Variants in PLEKHG1 observed in about 807,000 individuals in gnomAD.
The protein encoded by PLEKHG1 is pleckstrin homology domain-containing family G member 1.
A neutral mutation model predicts 100.8 loss-of-function variants in PLEKHG1; 44 were observed. The observed-to-expected ratio is 0.44, with a 90% CI of 0.34 to 0.56. The LOEUF (loss-of-function observed/expected upper bound fraction) is 0.56. PLEKHG1 is among the 20% of genes least tolerant of loss of function. PLEKHG1 has a pLI of 0.01. For synonymous variants in PLEKHG1, 640 were observed against 662.5 expected, an observed-to-expected ratio of 0.97 and a Z score of 0.52; for missense variants, 1,545 against 1,720.9, an observed-to-expected ratio of 0.90 and a Z score of 1.81.
Position 150,795,911 on chromosome 6 carries a change from C to T in PLEKHG1, c.629+9C>T, listed in dbSNP as rs1350704185. On this transcript the variant is annotated intron_variant, in intron 5 of 15. Transcript: ENST00000358517. ...TGCACTAACTATCCAAGGTATGGAT[C>T]GAGAATGGGCCAAGAGTACTTTTGT... 2.6e-6 allele frequency: 4 copies of T among 1,552,180 alleles called. No homozygotes were observed. Among genetic ancestry groups the T allele is most frequent in the African/African-American group, 1.4e-5 (1 of 73,572 alleles).
intron 2 of PLEKHG1, among the ~76,000 whole-genome samples, chr6:150,744,718 C>T (rs935134742): frequency 6.6e-6 from 1 of 152,128 alleles, no homozygotes; most frequent in Non-Finnish European, 1.5e-5. Flanking sequence ...CTCAGTGTCA[C>T]CCTGAGAAAC....
chr6:150,791,583 T>C (rs1785985438), intron 4 of PLEKHG1, among the ~76,000 whole-genome samples: 1 of 151,820 alleles, frequency 6.6e-6, no homozygotes, highest in Non-Finnish European at 1.5e-5. Context: ...GGCAGGAGAA[T>C]TGTTTGAACC....
chr6:150,831,243 G>T lies in PLEKHG1; in HGVS notation c.2132G>T (p.Gly711Val). The T allele has an allele frequency of 3.1e-6, 5 of 1,614,070 alleles. No homozygotes were observed. The highest frequency in any genetic ancestry group is 4.2e-6 in the Non-Finnish European group (5 of 1,180,006). ...AAGAGGCAAGCTGGCCACAGTAAGG[G>T]CTCTCTTTACGCACAAACAGATGGC... Residue 711 changes from glycine to valine, a missense_variant, in exon 15 of 16, where the codon GGC (glycine) becomes GTC (valine). Coordinates refer to ENST00000358517, the Ensembl canonical transcript of PLEKHG1. This position sits in a 1 kb window ranked among gnomAD's most constrained non-coding sequence, Gnocchi z 4.1.
intron 2 of PLEKHG1, among the ~76,000 whole-genome samples, chr6:150,759,601 C>T (rs956238971): frequency 9.2e-5 from 14 of 152,064 alleles, no homozygotes; most frequent in South Asian, 4.2e-4. Context: ...TCTCAGCTTC[C>T]GGGAAAATGG....
intron 3 of PLEKHG1, among the ~76,000 whole-genome samples, chr6:150,707,244 T>C (rs1194905370): frequency 3.3e-5 from 5 of 152,086 alleles, no homozygotes; most frequent in Non-Finnish European, 7.4e-5. Flanking sequence ...CCTCAGATGA[T>C]CCACCTACCT....
At chr6:150,803,391 G>A (rs1023018066) in intron 6 of PLEKHG1, among the ~76,000 whole-genome samples, 1 of 152,186 alleles carries the variant, frequency 6.6e-6, no homozygotes, top group African/African-American at 2.4e-5. Flanking sequence ...AAAGGCAATA[G>A]TTTCAATTTA....
intron 2 of PLEKHG1, among the ~76,000 whole-genome samples, chr6:150,758,252 C>G (rs1484382731): frequency 1.3e-5 from 2 of 152,074 alleles, no homozygotes; most frequent in Non-Finnish European, 2.9e-5. Flanking sequence ...TGAGGAATCA[C>G]TACAATGGTT....
chr6:150,610,175 C>T (rs1485093439), intron 1 of PLEKHG1, among the ~76,000 whole-genome samples: 1 of 152,242 alleles, frequency 6.6e-6, no homozygotes, highest in Non-Finnish European at 1.5e-5. Flanking sequence ...GATCTCAGCT[C>T]ACTGCAACGT....
chr6:150,742,265 CAT>C (rs1782900299), intron 2 of PLEKHG1, among the ~76,000 whole-genome samples: 1 of 152,136 alleles, frequency 6.6e-6, no homozygotes, highest in African/African-American at 2.4e-5. Flanking sequence ...AGGCATGACA[CAT>C]GTCAGGAGAG....
At chr6:150,612,689 G>A (rs1776904897) in intron 1 of PLEKHG1, among the ~76,000 whole-genome samples, 1 of 152,088 alleles carries the variant, frequency 6.6e-6, no homozygotes, top group South Asian at 2.1e-4. Flanking sequence ...GAAGGGTGAG[G>A]GTGCAATTTA....
intron 3 of PLEKHG1, among the ~76,000 whole-genome samples, chr6:150,671,243 G>C (rs1428945508): frequency 6.6e-6 from 1 of 151,944 alleles, no homozygotes; most frequent in African/African-American, 2.4e-5. Flanking sequence ...TTTTCCTCTG[G>C]GTAAATACCT....
At chr6:150,839,061 T>C (rs991229575) in intron 15 of PLEKHG1, among the ~76,000 whole-genome samples, 2 of 152,154 alleles carry the variant, frequency 1.3e-5, no homozygotes, top group African/African-American at 4.8e-5. Context: ...AAAAGAATGA[T>C]GGGAAGCCAG....
chr6:150,775,579 C>T (rs866201542), intron 3 of PLEKHG1, among the ~76,000 whole-genome samples: 1 of 152,112 alleles, frequency 6.6e-6, no homozygotes, highest in Middle Eastern at 3.2e-3. Context: ...GCCACATAAT[C>T]AAGGAAGGAA....
At chr6:150,763,330 C>T (rs1214354528) in intron 2 of PLEKHG1, among the ~76,000 whole-genome samples, 5 of 152,068 alleles carry the variant, frequency 3.3e-5, no homozygotes, top group African/African-American at 1.2e-4. Flanking sequence ...CGTGCCCGGG[C>T]CTTAACCAAT....
intron 3 of PLEKHG1, among the ~76,000 whole-genome samples, chr6:150,780,651 T>C (rs1368716689): frequency 7.9e-5 from 12 of 152,220 alleles, no homozygotes; most frequent in Admixed American, 7.9e-4. Flanking sequence ...ATTCTCTTTA[T>C]AGCATTCTGT....
exon 16 of PLEKHG1, chr6:150,843,055 AC>A (rs1246328673): frequency 1.3e-5 from 2 of 152,150 alleles, no homozygotes; most frequent in Non-Finnish European, 1.5e-5. Context: ...CATTTGTATT[AC>A]CTATGAACAA....
chr6:150,747,110 G>A (rs1477953374), intron 2 of PLEKHG1, among the ~76,000 whole-genome samples: 1 of 152,242 alleles, frequency 6.6e-6, no homozygotes, highest in Non-Finnish European at 1.5e-5. Flanking sequence ...GCTAAAACAG[G>A]TCTTGTTCGG....
chr6:150,754,829 C>A (rs1014586697), intron 2 of PLEKHG1, among the ~76,000 whole-genome samples: 8 of 151,918 alleles, frequency 5.3e-5, no homozygotes, highest in Non-Finnish European at 5.9e-5. Flanking sequence ...CCACCACACC[C>A]GGCTAATTTT....
intron 1 of PLEKHG1, chr6:150,626,165 GT>G (rs1777501904): frequency 6.6e-6 from 1 of 150,900 alleles, no homozygotes; most frequent in Non-Finnish European, 1.5e-5. Context: ...GGGGCGGGGG[GT>G]CTGTTGTACA....
Sources: allele counts gnomAD v4.1 joint callset (sites outside exome capture counted in the v4.1 genomes callset), GRCh38; gene constraint gnomAD v4.1.1; non-coding constraint Gnocchi (gnomAD v3.1); transcripts MANE v1.5; gene names NCBI Gene and HGNC (gene_info 2026-07-23, HGNC 2026-07-21).